Variants in MINDY4B observed in about 807,000 individuals in gnomAD.
The protein encoded by MINDY4B is MINDY family member 4B, also known as inactive ubiquitin carboxyl-terminal hydrolase MINDY-4B.
A neutral mutation model predicts 16.7 loss-of-function variants in MINDY4B; 25 were observed. The observed-to-expected ratio is 1.49, with a 90% CI of 1.09 to 2.09. The LOEUF is 2.09. Ranked by LOEUF, MINDY4B falls within the 30% of genes most tolerant of loss-of-function variation. MINDY4B has a pLI of 0.00. For synonymous variants in MINDY4B, 132 were observed against 61.9 expected (o/e 2.13, Z -5.32); for missense variants, 327 against 168.4 (o/e 1.94, Z -5.21).
At chr3:150,899,109 A>G (rs555343207) in intron 3 of MINDY4B, among the ~76,000 whole-genome samples, 1 of 152,352 alleles carries the variant, frequency 6.6e-6, no homozygotes, top group Admixed American at 6.5e-5. Context: ...AGCATCTGGC[A>G]TAGTGCCTGG....
At chr3:150,894,458 A>G (rs1473145343) in intron 3 of MINDY4B, among the ~76,000 whole-genome samples, 153 bp from the exon 4 acceptor site, 1 of 152,142 alleles carries the variant, frequency 6.6e-6, no homozygotes, top group Admixed American at 6.5e-5. Context: ...TAATTGTCTG[A>G]ACTCCTGAGC....
Position 150,893,406 on chromosome 3 carries a change from G to A in MINDY4B, c.439C>T (p.Arg147Ter), listed in dbSNP as rs759419116. ...CCTTGCACAGCCATCTGAATGCTTCGGGCCCCTCCCTGAAATGAGGAGAAT... is the reference window on the plus strand; with the variant it reads ...CCTTGCACAGCCATCTGAATGCTTCAGGCCCCTCCCTGAAATGAGGAGAAT... ...FTLEVGKGGA[R>*]SIQMAVQGSI... The change falls in exon 5 of 12, where the codon CGA becomes TGA. Residue 147 changes from arginine (R) to a stop codon, truncating the protein, a stop_gained. Coordinates refer to ENST00000465419, the MANE Select transcript of MINDY4B (RefSeq NM_001351281.2). LOFTEE classifies it high-confidence loss of function. 4.3e-6 allele frequency: 3 copies of A among 702,596 alleles called. No homozygotes were observed. Among genetic ancestry groups the A allele is most frequent in the Non-Finnish European group, 7.8e-6 (3 of 384,806 alleles). 43.5% of individuals were successfully genotyped at this position (702,596 alleles called of 1,614,324 possible). A position where few individuals can be genotyped will look rare whatever the true frequency, so the allele number is the denominator to read the frequency against.
At position 150,870,618 on chromosome 3, in the gene MINDY4B, G is replaced by T. The variant is rs1716943482; in HGVS notation, c.*427C>A. Among the ~76,000 whole-genome samples, 1 of 152,196 alleles carries T rather than the reference G, an allele frequency of 6.6e-6. No individual in the cohort carries two copies. The highest frequency in any genetic ancestry group is 2.4e-5 in the African/African-American group (1 of 41,448). ...TCCATACCAGGAAGTCCTTGAGAAG[G>T]CTTGAGTTCTTGCCATAACTAAAAA... On this transcript the variant is annotated 3_prime_UTR_variant, in exon 12 of 12. Transcript: ENST00000465419.
chr3:150,880,687 G>A (rs990122114), intron 10 of MINDY4B, among the ~76,000 whole-genome samples: 2 of 152,202 alleles, frequency 1.3e-5, no homozygotes, highest in African/African-American at 4.8e-5. Context: ...CGAGGATCCA[G>A]TGAAATAATC....
chr3:150,871,396 TA>T (rs2107892045), intron 11 of MINDY4B, among the ~76,000 whole-genome samples: 1 of 152,064 alleles, frequency 6.6e-6, no homozygotes, highest in East Asian at 1.9e-4. Flanking sequence ...TTGTTGTGCA[TA>T]TTAGGACGTA....
chr3:150,883,257 C>A (rs1335821010), intron 9 of MINDY4B, among the ~76,000 whole-genome samples, 199 bp from the exon 10 acceptor site: 1 of 152,100 alleles, frequency 6.6e-6, no homozygotes, highest in Non-Finnish European at 1.5e-5. Context: ...AAACCTTACC[C>A]CATAACTCCC....
At chr3:150,897,326 TG>T (rs1196646427) in intron 3 of MINDY4B, among the ~76,000 whole-genome samples, 1 of 106,254 alleles carries the variant, frequency 9.4e-6, no homozygotes, top group East Asian at 3.7e-4. Flanking sequence ...TGGAACTGTG[TG>T]TGTGTGTGTG....
chr3:150,887,612 G>T (rs1375053318), intron 7 of MINDY4B, among the ~76,000 whole-genome samples: 2 of 152,172 alleles, frequency 1.3e-5, no homozygotes, highest in African/African-American at 4.8e-5. Flanking sequence ...AGGTTTTTAT[G>T]TGGAATTTCC....
intron 4 of MINDY4B, 34 bp downstream of exon 4, chr3:150,894,152 T>C (rs1315874457): frequency 3.0e-6 from 2 of 667,292 alleles, no homozygotes; most frequent in Non-Finnish European, 5.4e-6. Flanking sequence ...AACATGGGAA[T>C]AAGGTTTTTT....
At chr3:150,880,460 T>C (rs750473589) in intron 10 of MINDY4B, among the ~76,000 whole-genome samples, 7 of 152,310 alleles carry the variant, frequency 4.6e-5, no homozygotes, top group Middle Eastern at 6.8e-3. Flanking sequence ...AAATGTTTAA[T>C]TAAATATGTA....
intron 3 of MINDY4B, among the ~76,000 whole-genome samples, chr3:150,895,350 T>G (rs1268774188): frequency 6.6e-6 from 1 of 152,220 alleles, no homozygotes; most frequent in Non-Finnish European, 1.5e-5. Context: ...TTCAGGAGGC[T>G]GAAGATAGGG....
At chr3:150,893,241 C>A (rs916586983) in intron 5 of MINDY4B, 83 bp downstream of exon 5, 3 of 690,780 alleles carry the variant, frequency 4.3e-6, no homozygotes, top group Admixed American at 4.1e-5. Flanking sequence ...TCTGAGACAA[C>A]CTGAATTTTT....
At chr3:150,889,295 G>A (rs115192257) in intron 7 of MINDY4B, among the ~76,000 whole-genome samples, 374 of 152,336 alleles carry the variant, frequency 2.5e-3, no homozygotes, top group African/African-American at 8.5e-3. Flanking sequence ...GTTTCTAAAG[G>A]CCCTGCCCAC....
chr3:150,896,561 T>G (rs1006789459), intron 3 of MINDY4B, among the ~76,000 whole-genome samples: 1 of 152,220 alleles, frequency 6.6e-6, no homozygotes, highest in African/African-American at 2.4e-5. Flanking sequence ...CAGATTCTTT[T>G]GTCCCACGGG....
intron 7 of MINDY4B, among the ~76,000 whole-genome samples, chr3:150,886,767 C>T (rs1576612053): frequency 6.6e-6 from 1 of 152,316 alleles, no homozygotes; most frequent in African/African-American, 2.4e-5. Context: ...CTCTGACTCT[C>T]CTGCCTCCCG....
chr3:150,879,502 C>T (rs908630596), intron 10 of MINDY4B, among the ~76,000 whole-genome samples: 11 of 152,176 alleles, frequency 7.2e-5, no homozygotes, highest in Admixed American at 3.9e-4. Flanking sequence ...ATCCTGGTTG[C>T]ACTTTAGAAT....
At chr3:150,874,032 T>TA (rs1289952343) in intron 10 of MINDY4B, among the ~76,000 whole-genome samples, 1 of 138,414 alleles carries the variant, frequency 7.2e-6, no homozygotes, top group African/African-American at 2.9e-5. Flanking sequence ...TTTTTTTTTT[T>TA]AAAGACAGGA....
chr3:150,897,899 G>A (rs780135110), intron 3 of MINDY4B, among the ~76,000 whole-genome samples: 7 of 152,196 alleles, frequency 4.6e-5, no homozygotes, highest in Admixed American at 6.5e-5. Flanking sequence ...CCCAGGACAG[G>A]CATTGAAAAC....
At chr3:150,884,361 T>C (rs1231704817) in intron 8 of MINDY4B, among the ~76,000 whole-genome samples, 2 of 152,226 alleles carry the variant, frequency 1.3e-5, no homozygotes, top group Non-Finnish European at 2.9e-5. Flanking sequence ...AATCTATTCA[T>C]GGAACTGGAG....
Sources: gnomAD v4.1 joint callset for allele counts (sites outside exome capture counted in the v4.1 genomes callset) on GRCh38, gnomAD v4.1.1 for gene constraint, MANE v1.5 for transcripts, NCBI Gene and HGNC (gene_info 2026-07-23, HGNC 2026-07-21) for gene names.